Variants in ARK2C observed in about 807,000 individuals in gnomAD.
ARK2C encodes arkadia (RNF111) C-terminal like ring finger ubiquitin ligase 2C, also known as E3 ubiquitin-protein ligase ARK2C.
At chr18:46,420,819 T>C in the ARK2C span, among the ~76,000 whole-genome samples, 4 of 151,624 alleles carry the variant, frequency 2.6e-5, no homozygotes, top group African/African-American at 7.3e-5. Context: ...TACTCTAGCC[T>C]GGGCAACAAG....
chr18:46,446,340 A>G, the ARK2C span, among the ~76,000 whole-genome samples: 1 of 152,336 alleles, frequency 6.6e-6, no homozygotes, highest in Middle Eastern at 3.4e-3. Flanking sequence ...ATACAGTAAG[A>G]AAAGAAAGGC....
At chr18:46,403,393 C>T in the ARK2C span, among the ~76,000 whole-genome samples, 5 of 152,186 alleles carry the variant, frequency 3.3e-5, no homozygotes, top group Admixed American at 6.5e-5. Flanking sequence ...CTCCCTGCCC[C>T]CCGTCTCCCT....
At chr18:46,354,579 G>A in the ARK2C span, among the ~76,000 whole-genome samples, 1 of 152,206 alleles carries the variant, frequency 6.6e-6, no homozygotes, top group Non-Finnish European at 1.5e-5. Context: ...GTCTCTGCCC[G>A]ATCCTCTCTA....
chr18:46,375,423 A>G, the ARK2C span, among the ~76,000 whole-genome samples: 1 of 152,006 alleles, frequency 6.6e-6, no homozygotes, highest in Admixed American at 6.6e-5. Flanking sequence ...GTATGGTGGT[A>G]CACACCTGTA....
the ARK2C span, among the ~76,000 whole-genome samples, chr18:46,422,676 G>A: frequency 6.6e-6 from 1 of 152,192 alleles, no homozygotes; most frequent in African/African-American, 2.4e-5. Context: ...CTATGATCAG[G>A]CCAAAAGGAG....
the ARK2C span, among the ~76,000 whole-genome samples, chr18:46,354,231 C>T: frequency 6.6e-6 from 1 of 152,220 alleles, no homozygotes; most frequent in African/African-American, 2.4e-5. Flanking sequence ...GGGGACACCT[C>T]TTGAAGGAGG....
chr18:46,338,562 G>A, the ARK2C span, among the ~76,000 whole-genome samples: 1 of 152,144 alleles, frequency 6.6e-6, no homozygotes, highest in Admixed American at 6.5e-5. Flanking sequence ...GAAATCAGGA[G>A]TAAAGTCAGG....
chr18:46,426,202 TTC>T, the ARK2C span, among the ~76,000 whole-genome samples: 2 of 152,176 alleles, frequency 1.3e-5, no homozygotes, highest in Non-Finnish European at 2.9e-5. Context: ...CTGGGCTCTG[TTC>T]CCTTCTGCCC....
At chr18:46,353,456 A>G in the ARK2C span, among the ~76,000 whole-genome samples, 2 of 152,138 alleles carry the variant, frequency 1.3e-5, no homozygotes, top group African/African-American at 2.4e-5. Flanking sequence ...TTGCTGTGGG[A>G]GTGAAAATCT....
the ARK2C span, chr18:46,334,701 TGTGTGTGTGTGTGTGAGA>T: frequency 9.4e-6 from 3 of 317,734 alleles, no homozygotes; most frequent in Non-Finnish European, 1.1e-5. This position sits in a 1 kb window ranked among gnomAD's most constrained non-coding sequence, Gnocchi z 4.4. Context: ...TGTGTGTGTG[TGTGTGTGTGTGTGTGAGA>T]GAGAGAGAGA....
chr18:46,415,008 T>C, the ARK2C span, among the ~76,000 whole-genome samples: 1 of 152,140 alleles, frequency 6.6e-6, no homozygotes, highest in Non-Finnish European at 1.5e-5. Context: ...TCCATCGGCT[T>C]CAGATAACAT....
At chr18:46,446,841 C>T in the ARK2C span, among the ~76,000 whole-genome samples, 1 of 152,062 alleles carries the variant, frequency 6.6e-6, no homozygotes, top group Non-Finnish European at 1.5e-5. Context: ...TGTCAACCTG[C>T]ACATTGTCCT....
chr18:46,398,052 T>G, the ARK2C span, among the ~76,000 whole-genome samples: 1 of 134,476 alleles, frequency 7.4e-6, no homozygotes, highest in Non-Finnish European at 1.6e-5. Context: ...TGTGTGTACC[T>G]GTGGTGTGTG....
At chr18:46,413,168 C>T in the ARK2C span, among the ~76,000 whole-genome samples, 1 of 152,092 alleles carries the variant, frequency 6.6e-6, no homozygotes, top group Admixed American at 6.5e-5. Flanking sequence ...GGGAACCCTG[C>T]CAGGTCCTCT....
the ARK2C span, chr18:46,386,012 G>T: frequency 6.6e-6 from 1 of 152,220 alleles, no homozygotes; most frequent in Non-Finnish European, 1.5e-5. Flanking sequence ...GAAGGGAGTT[G>T]CTTCCAACCA....
At chr18:46,423,849 A>C in the ARK2C span, among the ~76,000 whole-genome samples, 3 of 152,118 alleles carry the variant, frequency 2.0e-5, no homozygotes, top group Non-Finnish European at 4.4e-5. Flanking sequence ...TAATAACTTC[A>C]TCCTTACCTG....
the ARK2C span, among the ~76,000 whole-genome samples, chr18:46,451,042 T>C: frequency 3.3e-5 from 5 of 152,220 alleles, no homozygotes; most frequent in Non-Finnish European, 7.3e-5. Flanking sequence ...TATCCGTGTG[T>C]GCATGTGGAC....
the ARK2C span, among the ~76,000 whole-genome samples, chr18:46,438,592 T>C: frequency 1.3e-4 from 20 of 152,332 alleles, no homozygotes; most frequent in South Asian, 2.1e-4. Flanking sequence ...TGTGAGGCAG[T>C]GCAATGGATT....
the ARK2C span, chr18:46,450,208 G>T: frequency 1.2e-6 from 1 of 818,464 alleles, no homozygotes; most frequent in Non-Finnish European, 2.2e-6. Context: ...AGGGTGTACT[G>T]AGTGGGTTAC....
Sources: gnomAD v4.1 joint callset for allele counts (sites outside exome capture counted in the v4.1 genomes callset) on GRCh38, gnomAD v4.1.1 for gene constraint, Gnocchi (gnomAD v3.1) non-coding constraint, MANE v1.5 for transcripts, NCBI Gene and HGNC (gene_info 2026-07-23, HGNC 2026-07-21) for gene names.